The following RIOX1 variants were observed in gnomAD, a reference collection of about 807,000 sequenced individuals.
RIOX1 encodes 60S ribosomal protein L8 histidine hydroxylase.
RIOX1 carries 33 observed loss-of-function variants against 44.6 expected under a neutral mutation model. That is an observed-to-expected ratio of 0.74 (90% CI 0.56 to 0.99). The LOEUF (loss-of-function observed/expected upper bound fraction) is 0.99. Ranked by LOEUF, RIOX1 falls within the 50% of genes least tolerant of loss-of-function variation. The pLI, the probability that RIOX1 is intolerant of heterozygous loss-of-function variation, is 0.00. For missense variants in RIOX1, 821 were observed against 871.7 expected, an observed-to-expected ratio of 0.94 and a Z score of 0.73; for synonymous variants, 387 against 395.8, an observed-to-expected ratio of 0.98 and a Z score of 0.26.
rs1466025013 is a variant in RIOX1, at chr14:73,492,184, C to T, written c.1167C>T (p.Thr389=). Residue 389 remains threonine (T), a synonymous_variant, in exon 1 of 1, where the codon ACC becomes ACT. Coordinates refer to ENST00000304061, the MANE Select transcript of RIOX1 (RefSeq NM_024644.5). This position sits in a 1 kb window ranked among gnomAD's most constrained non-coding sequence, Gnocchi z 4.9. Reference sequence around the variant, plus strand: ...ACCTCGGTGAGCCGGTGCTGCAGACCGTGCTGGAACCTGGAGATTTGCTGT... The same window carrying T: ...ACCTCGGTGAGCCGGTGCTGCAGACTGTGCTGGAACCTGGAGATTTGCTGT... ...QDDLGEPVLQ[T]VLEPGDLLYF... is the part of the protein sequence containing the mutation. 4 of 1,613,848 alleles carry T rather than the reference C, an allele frequency of 2.5e-6. No individual in the cohort carries two copies. The highest frequency in any genetic ancestry group is 2.7e-5 in the African/African-American group (2 of 74,908).
rs773919489 is a variant in RIOX1, at chr14:73,491,249, G to A, written c.232G>A (p.Ala78Thr). The A allele has an allele frequency of 6.3e-7, 1 of 1,583,510 alleles. No individual in the cohort carries two copies. Among genetic ancestry groups the A allele is most frequent in the South Asian group, 1.1e-5 (1 of 87,294 alleles). The change falls in exon 1 of 1, where the codon GCG becomes ACG. Residue 78 changes from alanine to threonine, a missense_variant. Ala to Thr is a moderately conservative substitution (Grantham distance 58, BLOSUM62 0). Coordinates refer to ENST00000304061, the MANE Select transcript of RIOX1 (RefSeq NM_024644.5). ...GTCGACGGCCGACGACCTGGGGGACGCGCTACCCGGTGGGGCGGCGGTGGC... is the reference window on the plus strand; with the variant it reads ...GTCGACGGCCGACGACCTGGGGGACACGCTACCCGGTGGGGCGGCGGTGGC... ...VESTADDLGDALPGGAAVAAV... is the reference protein window; with the variant it reads ...VESTADDLGDTLPGGAAVAAV...
Position 73,492,779 on chromosome 14 carries a change from T to A in RIOX1, c.1762T>A (p.Tyr588Asn). Reference sequence around the variant, plus strand: ...GGAAGAACCCAAGTGCTTGGAAATATACCCCCAGCAAGCTGATGCCATGGA... The same window carrying A: ...GGAAGAACCCAAGTGCTTGGAAATAAACCCCCAGCAAGCTGATGCCATGGA... ...HLEEPKCLEI[Y>N]PQQADAMELL... Residue 588 changes from tyrosine (Y) to asparagine (N), a missense_variant, in exon 1 of 1, where the codon TAC becomes AAC. Physicochemically the swap from Tyr to Asn is moderately radical, Grantham distance 143 (BLOSUM62 -2). Around this residue, in one of 2 missense-constraint regions of RIOX1, gnomAD observed 267 missense variants for 340.5 expected, o/e 0.78. Transcript: ENST00000304061. The surrounding 1 kb of genome is among the most constrained non-coding windows in gnomAD (Gnocchi z 4.9). The A allele has an allele frequency of 6.2e-7, 1 of 1,613,936 alleles. No homozygotes were observed. Among genetic ancestry groups the A allele is most frequent in the Non-Finnish European group, 8.5e-7 (1 of 1,179,874 alleles).
chr14:73,491,654 A>G lies in RIOX1; in HGVS notation c.637A>G (p.Met213Val), dbSNP rs916361645. Residue 213 changes from methionine (M) to valine (V), a missense_variant, in exon 1 of 1, where the codon ATG becomes GTG. Around this residue, in one of 2 missense-constraint regions of RIOX1, gnomAD observed 554 missense variants for 531.2 expected, o/e 1.04. Transcript: ENST00000304061. ...CCTCTTTGAGTGGCTCATCGCGCCCATGCCGCCAGATCACTTTTACCGGCG... is the reference window on the plus strand; with the variant it reads ...CCTCTTTGAGTGGCTCATCGCGCCCGTGCCGCCAGATCACTTTTACCGGCG... Reference protein sequence around the residue: ...ARLFEWLIAPMPPDHFYRRLW... With the variant: ...ARLFEWLIAPVPPDHFYRRLW... The G allele has an allele frequency of 6.5e-7, 1 of 1,549,488 alleles. No individual in the cohort carries two copies.
chr14:73,493,218 CAG>C lies in RIOX1; in HGVS notation c.*276_*277del. 9.9e-7 allele frequency: 1 copy of C among 1,007,560 alleles called. No individual in the cohort carries two copies. Among genetic ancestry groups the C allele is most frequent in the East Asian group, 2.4e-5 (1 of 42,044 alleles). 62.4% of individuals were successfully genotyped at this position (1,007,560 alleles called of 1,614,324 possible). On this transcript the variant is annotated 3_prime_UTR_variant, in exon 1 of 1. Coordinates refer to ENST00000304061, the MANE Select transcript of RIOX1 (RefSeq NM_024644.5). ...CACCAACTTCATCACCTTCAGGCTTCAGTGTACTGGGTAACACTGACCATGTC... is the reference window on the plus strand; with the variant it reads ...CACCAACTTCATCACCTTCAGGCTTCTGTACTGGGTAACACTGACCATGTC...
At position 73,493,239 on chromosome 14, in the gene RIOX1, C is replaced by T; in HGVS notation, c.*296C>T. The T allele has an allele frequency of 2.5e-6, 2 of 799,274 alleles. No individual in the cohort carries two copies. Among genetic ancestry groups the T allele is most frequent in the Non-Finnish European group, 4.2e-6 (2 of 476,846 alleles). 49.5% of individuals were successfully genotyped at this position (799,274 alleles called of 1,614,324 possible). A position where few individuals can be genotyped will look rare whatever the true frequency, so the allele number is the denominator to read the frequency against. On this transcript the variant is annotated 3_prime_UTR_variant, in exon 1 of 1. Transcript: ENST00000304061. ...GCTTCAGTGTACTGGGTAACACTGA[C>T]CATGTCGTTCTGCTTGAGACAGATA...
In RIOX1 at chr14:73,491,517, C is replaced by T. The variant is rs1248288448; in HGVS notation, c.500C>T (p.Ala167Val). 4 of 1,514,930 alleles carry T rather than the reference C, an allele frequency of 2.6e-6. No homozygotes were observed. Among genetic ancestry groups the T allele is most frequent in the Non-Finnish European group, 3.5e-6 (4 of 1,138,528 alleles). The allele number at this position is 1,514,930 out of a possible 1,614,324, so 93.8% of individuals were successfully genotyped here. The change falls in exon 1 of 1, where the codon GCG becomes GTG. Residue 167 changes from alanine (A) to valine (V), a missense_variant. Physicochemically the swap from Ala to Val is moderately conservative, Grantham distance 64. This residue lies in a region of RIOX1 where 554 missense variants were observed against 531.2 expected (regional missense o/e 1.04). Coordinates refer to ENST00000304061, the MANE Select transcript of RIOX1 (RefSeq NM_024644.5). ...AVQSSGAPATASGPQVDNTGG... is the reference protein window; with the variant it reads ...AVQSSGAPATVSGPQVDNTGG... Reference sequence around the variant, plus strand: ...CAGTCGTCCGGGGCCCCTGCGACGGCGTCGGGGCCGCAGGTGGATAACACG... The same window carrying T: ...CAGTCGTCCGGGGCCCCTGCGACGGTGTCGGGGCCGCAGGTGGATAACACG...
In RIOX1 at chr14:73,491,258, G is replaced by C. The variant is rs775015711; in HGVS notation, c.241G>C (p.Gly81Arg). 5 of 1,578,508 alleles carry C rather than the reference G, an allele frequency of 3.2e-6. No individual in the cohort carries two copies. The highest frequency in any genetic ancestry group is 4.3e-6 in the Non-Finnish European group (5 of 1,161,274). Residue 81 changes from glycine to arginine, a missense_variant, in exon 1 of 1, where the codon GGT becomes CGT. This residue lies in a region of RIOX1 where 554 missense variants were observed against 531.2 expected (regional missense o/e 1.04). Coordinates refer to ENST00000304061, the MANE Select transcript of RIOX1 (RefSeq NM_024644.5). Reference protein sequence around the residue: ...TADDLGDALPGGAAVAAVPDA... With the variant: ...TADDLGDALPRGAAVAAVPDA... Reference sequence around the variant, plus strand: ...CGACGACCTGGGGGACGCGCTACCCGGTGGGGCGGCGGTGGCGGCCGTCCC... The same window carrying C: ...CGACGACCTGGGGGACGCGCTACCCCGTGGGGCGGCGGTGGCGGCCGTCCC...
In RIOX1 at chr14:73,492,433, G is replaced by T; in HGVS notation, c.1416G>T (p.Pro472=). Residue 472 remains proline, a synonymous_variant, in exon 1 of 1, where the codon CCG becomes CCT. Transcript: ENST00000304061. This position sits in a 1 kb window ranked among gnomAD's most constrained non-coding sequence, Gnocchi z 4.9. The part of the protein sequence containing the change: ...MGAQHSDSKD[P]RRTAFMEKVR... ...CCCAGCATTCAGATTCTAAGGATCC[G>T]CGAAGAACCGCTTTCATGGAGAAGG... 1 of 1,613,692 alleles carries T rather than the reference G, an allele frequency of 6.2e-7. No homozygotes were observed. Among genetic ancestry groups the T allele is most frequent in the Non-Finnish European group, 8.5e-7 (1 of 1,179,750 alleles).
rs1363706736 is a variant in RIOX1 at position 73,490,941 on chromosome 14, C to T, written c.-77C>T. The T allele has an allele frequency of 1.6e-6, 2 of 1,279,058 alleles. No individual in the cohort carries two copies. The highest frequency in any genetic ancestry group is 2.0e-6 in the Non-Finnish European group (2 of 1,007,990). 79.2% of individuals were successfully genotyped at this position (1,279,058 alleles called of 1,614,324 possible). A position where few individuals can be genotyped will look rare whatever the true frequency, so the allele number is the denominator to read the frequency against. ...GGCCGCGCCCCCTTCCCAGAGTGCA[C>T]CGCAGCCGCTGCATTCAGGAACCGC... On this transcript the variant is annotated 5_prime_UTR_variant, in exon 1 of 1. Transcript: ENST00000304061.
chr14:73,490,989 C>G lies in RIOX1; in HGVS notation c.-29C>G, dbSNP rs766431165. On this transcript the variant is annotated 5_prime_UTR_variant, in exon 1 of 1. Transcript: ENST00000304061. ...CGCTTTAGCTTCGCCCCCGGCCGGC[C>G]GGGCGGGGAAGACTGGTGTGGTCTG... is the stretch of plus-strand genomic sequence containing the variant. 16 of 1,337,246 alleles carry G rather than the reference C, an allele frequency of 1.2e-5. No homozygotes were observed. The highest frequency in any genetic ancestry group is 3.0e-5 in the East Asian group (1 of 33,590). The allele number at this position is 1,337,246 out of a possible 1,614,324, so 82.8% of individuals were successfully genotyped here.
At position 73,493,105 on chromosome 14, in the gene RIOX1, T is replaced by A; in HGVS notation, c.*162T>A. 6.2e-7 allele frequency: 1 copy of A among 1,613,416 alleles called. No individual in the cohort carries two copies. The highest frequency in any genetic ancestry group is 8.5e-7 in the Non-Finnish European group (1 of 1,179,868). On this transcript the variant is annotated 3_prime_UTR_variant, in exon 1 of 1. Transcript: ENST00000304061. ...CAGTGTCACAAACCTCGGAAGGTCTTCTAGGAAGAACCATCTCATCTAGGT... is the reference window on the plus strand; with the variant it reads ...CAGTGTCACAAACCTCGGAAGGTCTACTAGGAAGAACCATCTCATCTAGGT...
chr14:73,493,095 C>G lies in RIOX1; in HGVS notation c.*152C>G. 3 of 1,612,260 alleles carry G rather than the reference C, an allele frequency of 1.9e-6. No homozygotes were observed. The highest frequency in any genetic ancestry group is 2.5e-6 in the Non-Finnish European group (3 of 1,179,796). On this transcript the variant is annotated 3_prime_UTR_variant, in exon 1 of 1. Coordinates refer to ENST00000304061, the MANE Select transcript of RIOX1 (RefSeq NM_024644.5). ...ATCACTGCTTCAGTGTCACAAACCTCGGAAGGTCTTCTAGGAAGAACCATC... is the reference window on the plus strand; with the variant it reads ...ATCACTGCTTCAGTGTCACAAACCTGGGAAGGTCTTCTAGGAAGAACCATC...
rs34302440 is a variant in RIOX1, at chr14:73,492,999, C to CCT, written c.*56_*57insCT. ...AGTGATTCTCCGCTGCCACTGCTAC[C>CCT]TTTTTTTTTTTTTTTTCCTTAAACT... On this transcript the variant is annotated 3_prime_UTR_variant, in exon 1 of 1. Transcript: ENST00000304061. The surrounding 1 kb of genome is among the most constrained non-coding windows in gnomAD (Gnocchi z 4.9). 2.1e-6 allele frequency: 3 copies of CCT among 1,460,630 alleles called. No individual in the cohort carries two copies. The highest frequency in any genetic ancestry group is 1.5e-5 in the African/African-American group (1 of 65,894). 90.5% of individuals were successfully genotyped at this position (1,460,630 alleles called of 1,614,324 possible).
Position 73,492,618 on chromosome 14 carries a change from A to T in RIOX1, c.1601A>T (p.Glu534Val). The T allele has an allele frequency of 6.2e-7, 1 of 1,613,914 alleles. No homozygotes were observed. The highest frequency in any genetic ancestry group is 1.3e-5 in the African/African-American group (1 of 75,012). ...YGLPIRWEAG[E>V]PVNVGAQLTT... Reference sequence around the variant, plus strand: ...CTTCCAATTCGCTGGGAGGCTGGAGAACCTGTAAACGTGGGGGCCCAGTTG... The same window carrying T: ...CTTCCAATTCGCTGGGAGGCTGGAGTACCTGTAAACGTGGGGGCCCAGTTG... The change falls in exon 1 of 1, where the codon GAA (glutamate) becomes GTA (valine). Residue 534 changes from glutamate (E) to valine (V), a missense_variant. This residue lies in a region of RIOX1 where 267 missense variants were observed against 340.5 expected (regional missense o/e 0.78). Transcript: ENST00000304061. The surrounding 1 kb of genome is among the most constrained non-coding windows in gnomAD (Gnocchi z 4.9).
chr14:73,492,635 G>T lies in RIOX1; in HGVS notation c.1618G>T (p.Ala540Ser). 6.2e-7 allele frequency: 1 copy of T among 1,614,000 alleles called. No homozygotes were observed. The highest frequency in any genetic ancestry group is 1.7e-5 in the Admixed American group (1 of 60,020). The part of the protein sequence containing the change: ...WEAGEPVNVG[A>S]QLTTETEVHM... ...GGCTGGAGAACCTGTAAACGTGGGG[G>T]CCCAGTTGACAACAGAAACAGAAGT... Residue 540 changes from alanine to serine, a missense_variant, in exon 1 of 1, where the codon GCC (alanine) becomes TCC (serine). Transcript: ENST00000304061. The surrounding 1 kb of genome is among the most constrained non-coding windows in gnomAD (Gnocchi z 4.9).
At position 73,491,355 on chromosome 14, in the gene RIOX1, G is replaced by C; in HGVS notation, c.338G>C (p.Arg113Pro). Reference sequence around the variant, plus strand: ...CTGCTGGAGGCCTCGCCCGCCGCGCGCTCCCTGCAGACCCCGTCGGCGCGC... The same window carrying C: ...CTGCTGGAGGCCTCGCCCGCCGCGCCCTCCCTGCAGACCCCGTCGGCGCGC... ...AELLEASPAA[R>P]SLQTPSARLV... Residue 113 changes from arginine (R) to proline (P), a missense_variant, in exon 1 of 1, where the codon CGC becomes CCC. Arg to Pro is a moderately radical substitution (Grantham distance 103, BLOSUM62 -2). This residue lies in a region of RIOX1 where 554 missense variants were observed against 531.2 expected (regional missense o/e 1.04). Coordinates refer to ENST00000304061, the MANE Select transcript of RIOX1 (RefSeq NM_024644.5). The C allele has an allele frequency of 7.0e-7, 1 of 1,428,404 alleles. No homozygotes were observed. Among genetic ancestry groups the C allele is most frequent in the African/African-American group, 1.5e-5 (1 of 66,688 alleles). The allele number at this position is 1,428,404 out of a possible 1,614,324, so 88.5% of individuals were successfully genotyped here.
rs778190170 is a variant in RIOX1, at chr14:73,491,770, G to T, written c.753G>T (p.Leu251=). ...LFSTADLDSM[L]RNEEVQFGQH... is the part of the protein sequence containing the mutation. ...CTACCGCTGACCTGGATTCGATGCT[G>T]CGCAACGAGGAGGTGCAGTTCGGCC... The change falls in exon 1 of 1, where the codon CTG becomes CTT. Residue 251 remains leucine (L), a synonymous_variant. Transcript: ENST00000304061. 6.4e-7 allele frequency: 1 copy of T among 1,569,452 alleles called. No individual in the cohort carries two copies. The highest frequency in any genetic ancestry group is 8.6e-7 in the Non-Finnish European group (1 of 1,158,036).
At position 73,491,347 on chromosome 14, in the gene RIOX1, C is replaced by A; in HGVS notation, c.330C>A (p.Pro110=). Residue 110 remains proline, a synonymous_variant, in exon 1 of 1, where the codon CCC becomes CCA. Coordinates refer to ENST00000304061, the MANE Select transcript of RIOX1 (RefSeq NM_024644.5). ...CCGCAGAGCTGCTGGAGGCCTCGCC[C>A]GCCGCGCGCTCCCTGCAGACCCCGT... ...LGPAELLEAS[P]AARSLQTPSA... 1 of 1,439,196 alleles carries A rather than the reference C, an allele frequency of 6.9e-7. No individual in the cohort carries two copies. The highest frequency in any genetic ancestry group is 1.4e-5 in the South Asian group (1 of 70,144). The allele number at this position is 1,439,196 out of a possible 1,614,324, so 89.2% of individuals were successfully genotyped here.
At position 73,491,489 on chromosome 14, in the gene RIOX1, G is replaced by A; in HGVS notation, c.472G>A (p.Val158Ile). The A allele has an allele frequency of 6.7e-7, 1 of 1,503,596 alleles. No individual in the cohort carries two copies. Among genetic ancestry groups the A allele is most frequent in the Non-Finnish European group, 8.8e-7 (1 of 1,132,234 alleles). 93.1% of individuals were successfully genotyped at this position (1,503,596 alleles called of 1,614,324 possible). The change falls in exon 1 of 1, where the codon GTC becomes ATC. Residue 158 changes from valine to isoleucine, a missense_variant. Val to Ile is a conservative substitution (Grantham distance 29). Coordinates refer to ENST00000304061, the MANE Select transcript of RIOX1 (RefSeq NM_024644.5). The stretch of plus-strand genomic sequence containing the variant: ...GTGCACCGCGCAACACTTAGCGGCC[G>A]TCCAGTCGTCCGGGGCCCCTGCGAC... ...LLCTAQHLAA[V>I]QSSGAPATAS...
Sources: gnomAD v4.1 joint callset for allele counts on GRCh38, gnomAD v4.1.1 for gene constraint, gnomAD v4.1.1 regional missense constraint, Gnocchi (gnomAD v3.1) non-coding constraint, MANE v1.5 for transcripts, NCBI Gene and HGNC (gene_info 2026-07-23, HGNC 2026-07-21) for gene names.